The following RGS7 variants were observed in gnomAD, a reference collection of about 807,000 sequenced individuals.
RGS7 encodes the protein regulator of G protein signaling 7.
In RGS7, 27 loss-of-function variants were observed where a neutral mutation model predicts 81.1. The ratio of observed to expected loss-of-function variants is 0.33; its 90% CI spans 0.25 to 0.46. The LOEUF is 0.46. Among genes scored for constraint, RGS7 ranks in the 20% least tolerant of loss-of-function variants. RGS7 has a pLI of 1.00. For synonymous variants in RGS7, 208 were observed against 207.7 expected (o/e 1.00, Z -0.01); for missense variants, 396 against 607.4 (o/e 0.65, Z 3.66).
At chr1:240,830,824 G>A (rs922960255) in intron 9 of RGS7, among the ~76,000 whole-genome samples, 3 of 152,188 alleles carry the variant, frequency 2.0e-5, no homozygotes, top group African/African-American at 7.2e-5. Flanking sequence ...TGGAAATCGT[G>A]TCAACCATTG....
rs77728052 is a variant in RGS7, at chr1:241,354,168, A to G, written c.78+1531T>C. ...AGAATTCAAAATTCTCACAGCTTGC[A>G]TATTACAATACTCAGAGTCTTACCA... is the stretch of plus-strand genomic sequence containing the variant. On this transcript the variant is annotated intron_variant, in intron 2 of 18. Coordinates refer to ENST00000440928, the MANE Select transcript of RGS7 (RefSeq NM_001364886.1). Among the ~76,000 whole-genome samples the G allele has an allele frequency of 7.5e-3, 1,136 of 152,198 alleles. 15 individuals are homozygous for G. The highest frequency in any genetic ancestry group is 0.026 in the African/African-American group (1,088 of 41,496).
intron 4 of RGS7, among the ~76,000 whole-genome samples, chr1:240,965,692 G>A (rs895556384): frequency 2.6e-5 from 4 of 152,126 alleles, no homozygotes; most frequent in African/African-American, 9.7e-5. Context: ...TAAAGGGCTG[G>A]GTGGGACAGC....
intron 3 of RGS7, among the ~76,000 whole-genome samples, chr1:241,073,114 T>C (rs1366797786): frequency 2.6e-5 from 4 of 152,190 alleles, no homozygotes; most frequent in Admixed American, 6.5e-5. Context: ...AGCTGGGTTG[T>C]AGCTCTATCC....
chr1:241,106,716 CAAAA>C (rs757488665), intron 2 of RGS7, among the ~76,000 whole-genome samples: 2 of 34,050 alleles, frequency 5.9e-5, no homozygotes, highest in African/African-American at 1.6e-4. Flanking sequence ...ACTCCGTCTC[CAAAA>C]AAAAAAAAAA....
rs564484900 is a variant in RGS7, at chr1:241,144,922, G to A, written c.79-46160C>T. ...TGAGTCAGTATGTGTTGGCAGGGCA[G>A]GATGGTGTGTGTGTGTGTGTGTGTG... On this transcript the variant is annotated intron_variant, in intron 2 of 18. Coordinates refer to ENST00000440928, the MANE Select transcript of RGS7 (RefSeq NM_001364886.1). The surrounding 1 kb of genome is among the most constrained non-coding windows in gnomAD (Gnocchi z 4.7). Among the ~76,000 whole-genome samples the A allele has an allele frequency of 1.3e-4, 17 of 130,092 alleles. 2 individuals are homozygous for A. In the South Asian group the frequency reaches 3.7e-3, roughly 28 times the overall value. 85.3% of individuals were successfully genotyped at this position (130,092 alleles called of 152,430 possible). A position where few individuals can be genotyped will look rare whatever the true frequency, so the allele number is the denominator to read the frequency against.
chr1:241,238,183 G>A (rs1252552892), intron 2 of RGS7, among the ~76,000 whole-genome samples: 1 of 152,210 alleles, frequency 6.6e-6, no homozygotes, highest in Non-Finnish European at 1.5e-5. Context: ...CAGATTGGGA[G>A]TGCCTAGGGC....
chr1:240,786,990 C>A (rs140959811), intron 18 of RGS7, among the ~76,000 whole-genome samples: 1 of 151,920 alleles, frequency 6.6e-6, no homozygotes, highest in African/African-American at 2.4e-5. Flanking sequence ...AGATTTTTGA[C>A]CTTCTGGCAC....
intron 2 of RGS7, among the ~76,000 whole-genome samples, chr1:241,212,735 G>C (rs894466082): frequency 2.3e-4 from 35 of 152,158 alleles, no homozygotes; most frequent in Non-Finnish European, 5.9e-5. Flanking sequence ...CTCACCAGCA[G>C]GGTGTCCTCT....
At chr1:241,297,433 T>C (rs2079492450) in intron 2 of RGS7, among the ~76,000 whole-genome samples, 1 of 152,232 alleles carries the variant, frequency 6.6e-6, no homozygotes, top group Non-Finnish European at 1.5e-5. Context: ...TTTCTTTATA[T>C]CCAGATTGGA....
At chr1:240,792,767 T>C (rs1342446) in intron 18 of RGS7, among the ~76,000 whole-genome samples, 104,716 of 152,048 alleles carry the variant, frequency 0.69, 36,329 homozygotes, top group African/African-American at 0.73. Context: ...TAGTAGTATC[T>C]CCAAAGTAGT....
intron 4 of RGS7, among the ~76,000 whole-genome samples, chr1:240,976,755 CTAT>C (rs1235386915): frequency 2.2e-4 from 33 of 148,938 alleles, no homozygotes; most frequent in Non-Finnish European, 4.0e-4. Flanking sequence ...ATCTATCTAT[CTAT>C]CTATCTATCT....
intron 16 of RGS7, 107 bp from the exon 17 acceptor site, chr1:240,801,615 C>A: frequency 1.2e-6 from 1 of 803,468 alleles, no homozygotes; most frequent in East Asian, 2.6e-5. Context: ...TGAAATGATG[C>A]AACACCAAAT....
At chr1:240,948,233 T>C (rs1439214860) in intron 4 of RGS7, among the ~76,000 whole-genome samples, 2 of 152,236 alleles carry the variant, frequency 1.3e-5, no homozygotes, top group Non-Finnish European at 2.9e-5. Flanking sequence ...TAGGTAAGTA[T>C]GGACATTTTT....
intron 2 of RGS7, among the ~76,000 whole-genome samples, chr1:241,259,669 T>A (rs867762366): frequency 0.04 from 1,660 of 41,216 alleles, 17 homozygotes; most frequent in African/African-American, 0.071. Context: ...AAAAAAAAAA[T>A]ATATATATAT....
intron 3 of RGS7, among the ~76,000 whole-genome samples, chr1:241,034,974 A>C (rs912827025): frequency 2.6e-5 from 4 of 152,140 alleles, no homozygotes; most frequent in Non-Finnish European, 4.4e-5. Flanking sequence ...TCTCGTATTT[A>C]AGATTAATAG....
At chr1:241,005,179 T>C (rs2058619127) in intron 3 of RGS7, among the ~76,000 whole-genome samples, 1 of 152,144 alleles carries the variant, frequency 6.6e-6, no homozygotes, top group African/African-American at 2.4e-5. Context: ...TGGTTCAATT[T>C]CTCAATCACT....
At chr1:241,187,314 A>G (rs747485712) in intron 2 of RGS7, among the ~76,000 whole-genome samples, 21 of 152,184 alleles carry the variant, frequency 1.4e-4, no homozygotes, top group Admixed American at 8.5e-4. Flanking sequence ...GAAGTAGGTA[A>G]TAGCTCTCCA....
At chr1:241,345,015 A>C (rs760609527) in intron 2 of RGS7, among the ~76,000 whole-genome samples, 7 of 152,272 alleles carry the variant, frequency 4.6e-5, no homozygotes, top group Non-Finnish European at 7.3e-5. Context: ...TGGATAAAGA[A>C]AAATGTGGTA....
In RGS7 at chr1:241,202,015, C is replaced by G. The variant is rs1228396006; in HGVS notation, c.79-103253G>C. Among the ~76,000 whole-genome samples, 216 of 78,094 alleles carry G rather than the reference C, an allele frequency of 2.8e-3. 2 individuals are homozygous for G. The highest frequency in any genetic ancestry group is 7.5e-3 in the African/African-American group (196 of 26,022). 51.2% of individuals were successfully genotyped at this position (78,094 alleles called of 152,430 possible). ...GCAAACACACAGACACACACAGACA[C>G]ACACACACACACACACACACACACA... is the stretch of plus-strand genomic sequence containing the variant. On this transcript the variant is annotated intron_variant, in intron 2 of 18. Transcript: ENST00000440928.
Sources: gnomAD v4.1 joint callset for allele counts (sites outside exome capture counted in the v4.1 genomes callset) on GRCh38, gnomAD v4.1.1 for gene constraint, Gnocchi (gnomAD v3.1) non-coding constraint, MANE v1.5 for transcripts, NCBI Gene and HGNC (gene_info 2026-07-23, HGNC 2026-07-21) for gene names.